The following MEOX2 variants were observed in gnomAD, a reference collection of about 807,000 sequenced individuals.
MEOX2 encodes mesenchyme homeobox 2.
In MEOX2, 11 loss-of-function variants were observed where a neutral mutation model predicts 27.0. The ratio of observed to expected loss-of-function variants is 0.41; its 90% CI spans 0.26 to 0.68. MEOX2 has a LOEUF of 0.68. Among genes scored for constraint, MEOX2 ranks in the 30% least tolerant of loss-of-function variants. The pLI, the probability that MEOX2 is intolerant of heterozygous loss-of-function variation, is 0.33. For missense variants in MEOX2, 436 were observed against 385.4 expected (o/e 1.13, Z -1.10); for synonymous variants, 189 against 155.4 (o/e 1.22, Z -1.61).
rs745973944 is a variant in MEOX2, at chr7:15,612,427, C to CCATT, written c.874_875insAATG (p.Ser292LysfsTer6). ...CTCTGAGCTGTGGTCACTGTCGTGACTGTCTTCATTTGCTATAGAGTCCCC... is the reference window on the plus strand; with the variant it reads ...CTCTGAGCTGTGGTCACTGTCGTGACCATTTGTCTTCATTTGCTATAGAGTCCCC... On this transcript the variant is annotated frameshift_variant, in exon 3 of 3. Coordinates refer to ENST00000262041, the MANE Select transcript of MEOX2 (RefSeq NM_005924.5). LOFTEE classifies it high-confidence loss of function. 14 of 1,614,050 alleles carry CCATT rather than the reference C, an allele frequency of 8.7e-6. No individual in the cohort carries two copies. The highest frequency in any genetic ancestry group is 1.0e-5 in the Non-Finnish European group (12 of 1,180,036).
chr7:15,663,036 G>A (rs1230186611), intron 1 of MEOX2, among the ~76,000 whole-genome samples: 2 of 152,086 alleles, frequency 1.3e-5, no homozygotes, highest in Admixed American at 1.3e-4. Context: ...TACTAACATA[G>A]TGGTCATTCT....
intron 1 of MEOX2, among the ~76,000 whole-genome samples, chr7:15,656,307 T>C (rs1033918419): frequency 1.3e-5 from 2 of 151,912 alleles, no homozygotes; most frequent in African/African-American, 4.8e-5. Context: ...TAAACCACTC[T>C]ATCAATCTCT....
intron 1 of MEOX2, chr7:15,679,009 C>T (rs1322478263): frequency 6.6e-6 from 1 of 152,138 alleles, no homozygotes; most frequent in African/African-American, 2.4e-5. Context: ...TTATAACTAT[C>T]ATTGATTGCC....
intron 2 of MEOX2, among the ~76,000 whole-genome samples, chr7:15,613,254 T>G (rs1009471942): frequency 2.0e-5 from 3 of 152,152 alleles, no homozygotes; most frequent in African/African-American, 7.2e-5. Context: ...TCTCAACATT[T>G]GTTAAATGCT....
chr7:15,627,436 T>C (rs1315462795), intron 1 of MEOX2, among the ~76,000 whole-genome samples: 2 of 152,162 alleles, frequency 1.3e-5, no homozygotes, highest in Non-Finnish European at 2.9e-5. Flanking sequence ...TTTTTATCTG[T>C]ATTTAAGTAA....
intron 1 of MEOX2, among the ~76,000 whole-genome samples, chr7:15,629,644 A>G (rs545341491): frequency 6.6e-6 from 1 of 152,230 alleles, no homozygotes; most frequent in East Asian, 1.9e-4. Flanking sequence ...TGATTAATCC[A>G]GCCACTACTT....
chr7:15,624,533 T>C (rs1301680146), intron 2 of MEOX2, among the ~76,000 whole-genome samples: 3 of 152,230 alleles, frequency 2.0e-5, no homozygotes, highest in Middle Eastern at 3.4e-3. Context: ...ACCGGAGTTT[T>C]CCCCCTCAGT....
chr7:15,613,567 C>A (rs1366028089), intron 2 of MEOX2, among the ~76,000 whole-genome samples: 1 of 151,976 alleles, frequency 6.6e-6, no homozygotes, highest in African/African-American at 2.4e-5. Context: ...TCTGTCTACC[C>A]CACCTAAAAG....
intron 2 of MEOX2, among the ~76,000 whole-genome samples, chr7:15,625,913 A>G (rs779507425): frequency 6.6e-6 from 1 of 152,164 alleles, no homozygotes. Context: ...GAGTCCAAAA[A>G]CATTAATAAT....
At chr7:15,655,883 G>A (rs1781812106) in intron 1 of MEOX2, among the ~76,000 whole-genome samples, 1 of 151,660 alleles carries the variant, frequency 6.6e-6, no homozygotes, top group Non-Finnish European at 1.5e-5. Context: ...TTATGGTGTT[G>A]TTAAGTTTTT....
At chr7:15,677,766 T>C (rs542999940) in intron 1 of MEOX2, 1 of 152,288 alleles carries the variant, frequency 6.6e-6, no homozygotes, top group East Asian at 1.9e-4. Context: ...CACCATCAAA[T>C]TGCCATCATC....
At chr7:15,638,337 A>G (rs999713389) in intron 1 of MEOX2, among the ~76,000 whole-genome samples, 2 of 152,160 alleles carry the variant, frequency 1.3e-5, no homozygotes, top group Non-Finnish European at 2.9e-5. Flanking sequence ...GTGCAATTAA[A>G]TGGCATTATC....
chr7:15,616,788 A>C (rs892720361), intron 2 of MEOX2, among the ~76,000 whole-genome samples: 6 of 152,100 alleles, frequency 3.9e-5, no homozygotes, highest in East Asian at 1.9e-4. Context: ...CTATTCATTC[A>C]TTCATACATT....
At chr7:15,635,375 A>C (rs1219879940) in intron 1 of MEOX2, among the ~76,000 whole-genome samples, 2 of 152,010 alleles carry the variant, frequency 1.3e-5, no homozygotes, top group Non-Finnish European at 2.9e-5. Flanking sequence ...ATGAAACCTA[A>C]AATACTCAAA....
chr7:15,678,654 T>C (rs1355614377), intron 1 of MEOX2, among the ~76,000 whole-genome samples: 1 of 152,230 alleles, frequency 6.6e-6, no homozygotes, highest in Non-Finnish European at 1.5e-5. Flanking sequence ...CTCAACAGAC[T>C]CTGAATATAT....
At chr7:15,638,036 T>C (rs1781511003) in intron 1 of MEOX2, among the ~76,000 whole-genome samples, 1 of 152,114 alleles carries the variant, frequency 6.6e-6, no homozygotes. Flanking sequence ...ATTTGAATCA[T>C]TTAACTTTCA....
At chr7:15,619,740 G>C (rs904251979) in intron 2 of MEOX2, among the ~76,000 whole-genome samples, 1 of 151,788 alleles carries the variant, frequency 6.6e-6, no homozygotes, top group Non-Finnish European at 1.5e-5. Context: ...CATTTTAAAA[G>C]AAAACAGATT....
intron 1 of MEOX2, among the ~76,000 whole-genome samples, chr7:15,669,412 A>C (rs1376722922): frequency 6.6e-6 from 1 of 152,352 alleles, no homozygotes; most frequent in South Asian, 2.1e-4. Context: ...ACTTTAACGC[A>C]CACTCTCAAC....
chr7:15,612,122 A>G lies in MEOX2; in HGVS notation c.*265T>C, dbSNP rs1375848216. The stretch of plus-strand genomic sequence containing the variant: ...TTTCAGTGCAAGCAAAAGCAAACAC[A>G]TACCTGCTCACTGCCATACGCACGA... On this transcript the variant is annotated 3_prime_UTR_variant, in exon 3 of 3. Transcript: ENST00000262041. 6 of 482,376 alleles carry G rather than the reference A, an allele frequency of 1.2e-5. No homozygotes were observed. Among genetic ancestry groups the G allele is most frequent in the Admixed American group, 3.4e-5 (1 of 29,236 alleles). The allele number at this position is 482,376 out of a possible 1,614,324, so 29.9% of individuals were successfully genotyped here. A position where few individuals can be genotyped will look rare whatever the true frequency, so the allele number is the denominator to read the frequency against.
Sources: gnomAD v4.1 joint callset for allele counts (sites outside exome capture counted in the v4.1 genomes callset) on GRCh38, gnomAD v4.1.1 for gene constraint, MANE v1.5 for transcripts, NCBI Gene and HGNC (gene_info 2026-07-23, HGNC 2026-07-21) for gene names.